The following TENM4 variants were observed in gnomAD, a reference collection of about 807,000 sequenced individuals.
The protein encoded by TENM4 is teneurin transmembrane protein 4, also known as teneurin-4.
Under a neutral mutation model 243.3 loss-of-function variants are expected in TENM4, and 82 were observed. That is an observed-to-expected ratio of 0.34 (90% CI 0.28 to 0.40). TENM4 has a LOEUF of 0.40. Ranked by LOEUF, TENM4 falls within the 10% of genes least tolerant of loss-of-function variation. The pLI, the probability that TENM4 is intolerant of heterozygous loss-of-function variation, is 1.00. For synonymous variants in TENM4, 1,412 were observed against 1,456.3 expected (o/e 0.97, Z 0.69); for missense variants, 3,138 against 3,673.3 (o/e 0.85, Z 3.77).
At chr11:78,779,523 G>A (rs1287482305) in intron 16 of TENM4, among the ~76,000 whole-genome samples, 1 of 152,164 alleles carries the variant, frequency 6.6e-6, no homozygotes, top group Non-Finnish European at 1.5e-5. Context: ...TCTATATATG[G>A]GTGTCTGGCT....
intron 6 of TENM4, among the ~76,000 whole-genome samples, chr11:78,927,626 G>A (rs1027089356): frequency 5.3e-5 from 8 of 152,142 alleles, no homozygotes; most frequent in African/African-American, 1.4e-4. Context: ...ATCTCAAAGC[G>A]CTTATTCAAC....
At chr11:78,951,211 G>A (rs2136491903) in intron 6 of TENM4, among the ~76,000 whole-genome samples, 1 of 152,376 alleles carries the variant, frequency 6.6e-6, no homozygotes, top group South Asian at 2.1e-4. Context: ...GGACTGCAGT[G>A]CTTCCTTCAT....
intron 1 of TENM4, among the ~76,000 whole-genome samples, chr11:79,369,566 A>T (rs1384861580): frequency 6.6e-6 from 1 of 152,156 alleles, no homozygotes; most frequent in African/African-American, 2.4e-5. Context: ...TCCTTTCCTC[A>T]TTCTCTGCCA....
rs1243347688 is a variant in TENM4, at chr11:78,670,031, A to G, written c.6314T>C (p.Ile2105Thr). Reference protein sequence around the residue: ...QAVINETPLPIDLYRYDDVSG... With the variant: ...QAVINETPLPTDLYRYDDVSG... Reference sequence around the variant, plus strand: ...CACATCATCATAGCGATAGAGATCAATGGGCAGTGGGGTCTCGTTGATCAC... The same window carrying G: ...CACATCATCATAGCGATAGAGATCAGTGGGCAGTGGGGTCTCGTTGATCAC... Residue 2105 changes from isoleucine (I) to threonine (T), a missense_variant, in exon 32 of 34, where the codon ATT (isoleucine) becomes ACT (threonine). Transcript: ENST00000278550. The G allele has an allele frequency of 1.2e-6, 2 of 1,613,982 alleles. No homozygotes were observed. The highest frequency in any genetic ancestry group is 2.2e-5 in the South Asian group (2 of 91,074).
chr11:78,951,822 G>A (rs941652215), intron 6 of TENM4, among the ~76,000 whole-genome samples: 39 of 152,170 alleles, frequency 2.6e-4, no homozygotes, highest in African/African-American at 9.4e-4. Context: ...GAATTTGAGG[G>A]TGGTGAATGT....
chr11:78,778,472 G>C, intron 17 of TENM4, 130 bp downstream of exon 17: 1 of 993,342 alleles, frequency 1.0e-6, no homozygotes, highest in Non-Finnish European at 1.5e-6. Flanking sequence ...ACAAAACTGG[G>C]GATGCATTAG....
intron 19 of TENM4, among the ~76,000 whole-genome samples, chr11:78,747,697 T>C (rs1206983116): frequency 2.6e-5 from 4 of 152,214 alleles, no homozygotes; most frequent in Non-Finnish European, 5.9e-5. Flanking sequence ...TGAGATCTAA[T>C]TGGAGGGCCA....
intron 1 of TENM4, among the ~76,000 whole-genome samples, chr11:79,393,368 C>T (rs1023130593): frequency 1.1e-4 from 16 of 152,136 alleles, no homozygotes; most frequent in African/African-American, 1.9e-4. Context: ...TCTGGGTCTC[C>T]GTTTCCTCAT....
At position 79,215,790 on chromosome 11, in the gene TENM4, G is replaced by A. The variant is rs1864041232; in HGVS notation, c.-163+18C>T. ...TTGCAGCTAATGACAGAAAATCAGAGCAGACAAGGGGACTGACCTGGCTCC... is the reference window on the plus strand; with the variant it reads ...TTGCAGCTAATGACAGAAAATCAGAACAGACAAGGGGACTGACCTGGCTCC... On this transcript the variant is annotated intron_variant, in intron 3 of 33. Transcript: ENST00000278550. The A allele has an allele frequency of 5.1e-6, 5 of 985,780 alleles. No homozygotes were observed. Among genetic ancestry groups the A allele is most frequent in the Non-Finnish European group, 4.8e-6 (4 of 829,978 alleles). 61.1% of individuals were successfully genotyped at this position (985,780 alleles called of 1,614,324 possible).
At chr11:79,182,498 G>A (rs926579489) in intron 3 of TENM4, among the ~76,000 whole-genome samples, 3 of 152,090 alleles carry the variant, frequency 2.0e-5, no homozygotes, top group Admixed American at 1.3e-4. Context: ...AAAAAATCTA[G>A]GTGATCTTGG....
intron 16 of TENM4, among the ~76,000 whole-genome samples, chr11:78,782,083 T>G (rs1785825): frequency 0.59 from 89,656 of 152,056 alleles, 28,080 homozygotes; most frequent in Non-Finnish European, 0.7. Context: ...TATCACAGGG[T>G]CCTATACCTC....
intron 19 of TENM4, among the ~76,000 whole-genome samples, chr11:78,741,070 C>T (rs66755234): frequency 0.069 from 10,521 of 152,270 alleles, 517 homozygotes; most frequent in Non-Finnish European, 0.1. Context: ...CATCCCTGTT[C>T]TGTTTTCATG....
chr11:78,975,530 T>C (rs1946700), intron 6 of TENM4, among the ~76,000 whole-genome samples: 15,325 of 151,948 alleles, frequency 0.1, 2,150 homozygotes, highest in African/African-American at 0.3. Flanking sequence ...GGTACTGAGA[T>C]TTGACTAAGA....
intron 1 of TENM4, among the ~76,000 whole-genome samples, chr11:79,333,908 C>T (rs1857104521): frequency 6.6e-6 from 1 of 152,096 alleles, no homozygotes; most frequent in South Asian, 2.1e-4. Flanking sequence ...CCTGTTTTTT[C>T]CCTAATGGGT....
At chr11:78,723,185 G>A (rs1424581722) in intron 23 of TENM4, among the ~76,000 whole-genome samples, 3 of 152,136 alleles carry the variant, frequency 2.0e-5, no homozygotes, top group Non-Finnish European at 4.4e-5. Context: ...TAACTTAACC[G>A]ACCTTACCCA....
intron 7 of TENM4, among the ~76,000 whole-genome samples, chr11:78,898,690 A>T (rs1855850239): frequency 6.6e-6 from 1 of 152,052 alleles, no homozygotes; most frequent in Admixed American, 6.6e-5. Flanking sequence ...TCATTCATTT[A>T]TTTCACCTGT....
At chr11:79,080,563 T>C (rs527940756) in intron 4 of TENM4, among the ~76,000 whole-genome samples, 5 of 152,318 alleles carry the variant, frequency 3.3e-5, no homozygotes, top group Non-Finnish European at 7.3e-5. Flanking sequence ...TGGAAGCCTC[T>C]TGGTGCAGCC....
rs5792816 is a variant in TENM4 at position 78,800,736 on chromosome 11, G to GGAGAGA, written c.2179+4550_2179+4555dup. On this transcript the variant is annotated intron_variant, in intron 15 of 33. Transcript: ENST00000278550. ...GCCCTGACCTCACAGAGTTCACAGG[G>GGAGAGA]GAGAGAGAGAGAGAGAGAGAGAGAG... Among the ~76,000 whole-genome samples, 46 of 144,374 alleles carry GGAGAGA rather than the reference G, an allele frequency of 3.2e-4. 1 individual carries two copies. The South Asian group carries it at 3.4e-3, about 11-fold the overall frequency. 94.7% of individuals were successfully genotyped at this position (144,374 alleles called of 152,430 possible). A position where few individuals can be genotyped will look rare whatever the true frequency, so the allele number is the denominator to read the frequency against.
At chr11:78,901,048 G>A (rs1855918207) in intron 7 of TENM4, among the ~76,000 whole-genome samples, 1 of 152,188 alleles carries the variant, frequency 6.6e-6, no homozygotes, top group Non-Finnish European at 1.5e-5. Flanking sequence ...AGACCACGAA[G>A]TGAGAAGGTG....
Sources: allele counts gnomAD v4.1 joint callset (sites outside exome capture counted in the v4.1 genomes callset), GRCh38; gene constraint gnomAD v4.1.1; transcripts MANE v1.5; gene names NCBI Gene and HGNC (gene_info 2026-07-23, HGNC 2026-07-21).